The following PAG1 variants were observed in gnomAD, a reference collection of about 807,000 sequenced individuals.
The protein encoded by PAG1 is phosphoprotein membrane anchor with glycosphingolipid microdomains 1, also known as phosphoprotein associated with glycosphingolipid-enriched microdomains 1.
PAG1 carries 23 observed loss-of-function variants against 31.7 expected under a neutral mutation model. The observed-to-expected ratio is 0.73, with a 90% confidence interval of 0.52 to 1.03. PAG1 has a LOEUF of 1.03. Among genes scored for constraint, PAG1 ranks in the 50% least tolerant of loss-of-function variants. The pLI, the probability that PAG1 is intolerant of heterozygous loss-of-function variation, is 0.00. For synonymous variants in PAG1, 214 were observed against 210.3 expected (o/e 1.02, Z -0.15); for missense variants, 473 against 540.7 (o/e 0.87, Z 1.24).
intron 2 of PAG1, among the ~76,000 whole-genome samples, chr8:81,038,738 C>G (rs1171468137): frequency 6.6e-6 from 1 of 152,096 alleles, no homozygotes. Flanking sequence ...CTTGCAGATA[C>G]CACAACAGAA....
At chr8:81,099,058 C>G (rs1322913180) in intron 1 of PAG1, among the ~76,000 whole-genome samples, 1 of 152,172 alleles carries the variant, frequency 6.6e-6, no homozygotes, top group Non-Finnish European at 1.5e-5. Flanking sequence ...TAGTTTTTCT[C>G]TAACTAAATG....
At chr8:81,096,264 C>T (rs1809526479) in intron 1 of PAG1, among the ~76,000 whole-genome samples, 1 of 152,168 alleles carries the variant, frequency 6.6e-6, no homozygotes, top group Non-Finnish European at 1.5e-5. Flanking sequence ...CCGTGGGGAA[C>T]AGCCAATGGT....
intron 3 of PAG1, among the ~76,000 whole-genome samples, chr8:81,012,764 C>T (rs6994817): frequency 0.049 from 7,481 of 152,200 alleles, 191 homozygotes; most frequent in East Asian, 0.097. Flanking sequence ...TCTGAATCCA[C>T]TGATGAATTT....
intron 1 of PAG1, among the ~76,000 whole-genome samples, chr8:81,096,577 AAAGTG>A (rs1426263775): frequency 6.6e-6 from 1 of 152,222 alleles, no homozygotes; most frequent in Admixed American, 6.5e-5. Flanking sequence ...TTGCAAGTGA[AAAGTG>A]AAGTGAACAA....
At chr8:81,058,460 G>T (rs1282147860) in intron 2 of PAG1, 3 of 152,266 alleles carry the variant, frequency 2.0e-5, no homozygotes. Flanking sequence ...TGATTTGGGG[G>T]TCCTTTTAAA....
At chr8:81,063,251 T>A (rs74845841) in intron 2 of PAG1, among the ~76,000 whole-genome samples, 66 of 152,304 alleles carry the variant, frequency 4.3e-4, no homozygotes, top group Non-Finnish European at 4.3e-4. Flanking sequence ...TAGGGCAATA[T>A]TGGTACTAAG....
At chr8:81,087,115 C>T (rs1044926858) in intron 1 of PAG1, among the ~76,000 whole-genome samples, 2 of 152,110 alleles carry the variant, frequency 1.3e-5, no homozygotes, top group African/African-American at 4.8e-5. Flanking sequence ...GAGGCCAAGG[C>T]GGGCGGATCC....
chr8:81,045,955 G>A (rs1808634164), intron 2 of PAG1, among the ~76,000 whole-genome samples: 1 of 152,164 alleles, frequency 6.6e-6, no homozygotes, highest in Non-Finnish European at 1.5e-5. Flanking sequence ...TCAGCATTGG[G>A]CGTGTAACAG....
At chr8:81,076,043 A>G (rs778026123) in intron 1 of PAG1, among the ~76,000 whole-genome samples, 84 of 152,236 alleles carry the variant, frequency 5.5e-4, no homozygotes, top group Non-Finnish European at 1.2e-3. Context: ...CAGTTATAAC[A>G]AACTGGCTTA....
chr8:80,979,585 G>C (rs150034681), intron 8 of PAG1, among the ~76,000 whole-genome samples: 1 of 152,254 alleles, frequency 6.6e-6, no homozygotes, highest in East Asian at 1.9e-4. Flanking sequence ...AAGCATTTTT[G>C]CTCTTTGAAC....
At chr8:81,000,398 A>T (rs1807763231) in intron 3 of PAG1, among the ~76,000 whole-genome samples, 1 of 152,230 alleles carries the variant, frequency 6.6e-6, no homozygotes, top group Admixed American at 6.5e-5. Context: ...TTAAAAAATA[A>T]GCTAAGAGTG....
intron 8 of PAG1, among the ~76,000 whole-genome samples, chr8:80,977,834 G>A (rs1418033889): frequency 6.6e-6 from 1 of 152,178 alleles, no homozygotes; most frequent in African/African-American, 2.4e-5. Flanking sequence ...CTTTTGGGGA[G>A]TATTATTTTA....
intron 1 of PAG1, among the ~76,000 whole-genome samples, chr8:81,076,082 G>C (rs1450410166): frequency 6.6e-6 from 1 of 152,144 alleles, no homozygotes; most frequent in Non-Finnish European, 1.5e-5. Context: ...CACAATCTCT[G>C]TTGGTTGGTG....
At chr8:81,066,798 C>G (rs1586199345) in intron 2 of PAG1, among the ~76,000 whole-genome samples, 1 of 152,092 alleles carries the variant, frequency 6.6e-6, no homozygotes, top group African/African-American at 2.4e-5. Flanking sequence ...CTCTGTGAAT[C>G]TAGACTGTGA....
chr8:80,999,041 T>G (rs757222793), intron 3 of PAG1, among the ~76,000 whole-genome samples: 1 of 152,200 alleles, frequency 6.6e-6, no homozygotes, highest in Non-Finnish European at 1.5e-5. Flanking sequence ...GGTTCCCTGG[T>G]CCTGTGAGCA....
intron 2 of PAG1, among the ~76,000 whole-genome samples, chr8:81,038,589 T>C (rs907605589): frequency 3.3e-5 from 5 of 152,130 alleles, no homozygotes; most frequent in Admixed American, 1.3e-4. Context: ...ATGGACCATA[T>C]GGGATAAAGT....
At position 81,108,932 on chromosome 8, in the gene PAG1, G is replaced by A. The variant is rs538124566; in HGVS notation, c.-234+2659C>T. ...GGGAGTTCTCCAGCTGGGACTGAAT[G>A]CATATCCAGGGATGACGCTGTTTGT... On this transcript the variant is annotated intron_variant, in intron 1 of 8. Coordinates refer to ENST00000220597, the MANE Select transcript of PAG1 (RefSeq NM_018440.4). Among the ~76,000 whole-genome samples the A allele has an allele frequency of 1.8e-4, 27 of 152,352 alleles. 1 individual carries two copies. Among genetic ancestry groups the A allele is most frequent in the Admixed American group, 1.8e-3 (27 of 15,306 alleles).
chr8:81,051,259 G>C (rs139814470), intron 2 of PAG1, among the ~76,000 whole-genome samples: 44 of 152,300 alleles, frequency 2.9e-4, no homozygotes, highest in Non-Finnish European at 5.4e-4. Context: ...ATAGAAAAAT[G>C]AGAACAGAGA....
At chr8:80,983,876 A>G (rs1275693873) in intron 7 of PAG1, among the ~76,000 whole-genome samples, 1 of 152,210 alleles carries the variant, frequency 6.6e-6, no homozygotes, top group East Asian at 1.9e-4. Flanking sequence ...TTTCATGGAT[A>G]ATATGAAAAG....
Sources: gnomAD v4.1 joint callset for allele counts (sites outside exome capture counted in the v4.1 genomes callset) on GRCh38, gnomAD v4.1.1 for gene constraint, MANE v1.5 for transcripts, NCBI Gene and HGNC (gene_info 2026-07-23, HGNC 2026-07-21) for gene names.